The following GRIN2A variants were observed in gnomAD, a reference collection of about 807,000 sequenced individuals.
GRIN2A encodes the protein glutamate ionotropic receptor NMDA type subunit 2A.
GRIN2A carries 22 observed loss-of-function variants against 113.4 expected under a neutral mutation model. That is an observed-to-expected ratio of 0.19 (90% CI 0.14 to 0.28). The LOEUF is 0.28. Ranked by LOEUF, GRIN2A falls within the 10% of genes least tolerant of loss-of-function variation. The pLI, the probability that GRIN2A is intolerant of heterozygous loss-of-function variation, is 1.00. For missense variants in GRIN2A, 1,502 were observed against 1,887.0 expected, an observed-to-expected ratio of 0.80 and a Z score of 3.78; for synonymous variants, 827 against 738.4, an observed-to-expected ratio of 1.12 and a Z score of -1.94.
At chr16:9,865,829 C>T (rs1025020317) in intron 4 of GRIN2A, among the ~76,000 whole-genome samples, 2 of 152,176 alleles carry the variant, frequency 1.3e-5, no homozygotes, top group Non-Finnish European at 2.9e-5. Context: ...ATGGGTTTTC[C>T]TTTTCCATTT....
At chr16:9,850,385 C>G (rs141232274) in intron 4 of GRIN2A, among the ~76,000 whole-genome samples, 1 of 152,298 alleles carries the variant, frequency 6.6e-6, no homozygotes, top group East Asian at 1.9e-4. Context: ...CTTCTGTTTT[C>G]TCATCTGTAT....
intron 9 of GRIN2A, 46 bp from the exon 10 acceptor site, chr16:9,822,470 AGAAG>A (rs1567324150): frequency 7.9e-7 from 1 of 1,272,922 alleles, no homozygotes; most frequent in Admixed American, 1.7e-5. Flanking sequence ...GAAAAGAAAG[AGAAG>A]GGAGGAGGGG....
At chr16:9,926,928 T>TA (rs57664314) in intron 3 of GRIN2A, among the ~76,000 whole-genome samples, 105,034 of 147,714 alleles carry the variant, frequency 0.71, 38,555 homozygotes, top group African/African-American at 0.84. Context: ...ACTCTAAGTT[T>TA]AAAAAAAAAA....
chr16:10,151,381 G>A (rs558754251), intron 2 of GRIN2A, among the ~76,000 whole-genome samples: 1 of 152,186 alleles, frequency 6.6e-6, no homozygotes, highest in African/African-American at 2.4e-5. Flanking sequence ...GTGGGGAGGT[G>A]CATTCTAGAC....
chr16:9,882,052 A>AACAC (rs141535521), intron 4 of GRIN2A, among the ~76,000 whole-genome samples: 22 of 150,032 alleles, frequency 1.5e-4, no homozygotes, highest in African/African-American at 5.1e-4. Flanking sequence ...ACACACACAC[A>AACAC]ACACACACAC....
chr16:9,782,679 G>A (rs1183463631), intron 11 of GRIN2A, among the ~76,000 whole-genome samples: 1 of 152,174 alleles, frequency 6.6e-6, no homozygotes, highest in Non-Finnish European at 1.5e-5. Flanking sequence ...TACTAATCCT[G>A]GTGTTGGATT....
chr16:9,940,674 T>C (rs150862841), intron 2 of GRIN2A, among the ~76,000 whole-genome samples: 5 of 152,326 alleles, frequency 3.3e-5, no homozygotes, highest in African/African-American at 4.8e-5. Context: ...GATTGTATTT[T>C]GTGTGGATTC....
At chr16:9,953,113 A>C (rs1264875193) in intron 2 of GRIN2A, among the ~76,000 whole-genome samples, 1 of 152,216 alleles carries the variant, frequency 6.6e-6, no homozygotes, top group Non-Finnish European at 1.5e-5. Flanking sequence ...ATCTCACTAA[A>C]GCAACTCCAG....
intron 7 of GRIN2A, among the ~76,000 whole-genome samples, chr16:9,839,049 T>C (rs1349630600): frequency 6.6e-6 from 1 of 152,222 alleles, no homozygotes; most frequent in Non-Finnish European, 1.5e-5. Context: ...CCTGAGCTAT[T>C]GAAATTTTTT....
rs765744766 is a variant in GRIN2A at position 9,763,635 on chromosome 16, G to A, written c.3909C>T (p.Asp1303=). 7.4e-6 allele frequency: 12 copies of A among 1,613,108 alleles called. No individual in the cohort carries two copies. The Admixed American group carries it at 1.0e-4, about 13-fold the overall frequency. ...TTATGCTCCGGGAGGGCCTGCTAAG[G>A]TCTAGCTCCCTAGGTTTGTCGACAA... is the stretch of plus-strand genomic sequence containing the variant. The part of the protein sequence containing the change: ...DNIVDKPREL[D]LSRPSRSISL... The change falls in exon 13 of 13, where the codon GAC becomes GAT. Residue 1303 remains aspartate (D), a synonymous_variant. Coordinates refer to ENST00000330684, the MANE Select transcript of GRIN2A (RefSeq NM_001134407.3).
chr16:9,952,669 T>C (rs2045211848), intron 2 of GRIN2A, among the ~76,000 whole-genome samples: 1 of 152,190 alleles, frequency 6.6e-6, no homozygotes, highest in African/African-American at 2.4e-5. Context: ...TCCTATTTGA[T>C]AGAATATAAG....
chr16:9,981,116 G>A lies in GRIN2A; in HGVS notation c.415-42565C>T, dbSNP rs1320028034. ...GAAAAAAAGCAGGCCTGGGCTAAAG[G>A]TGCTAAAGAACTACAAGACAGGAAA... On this transcript the variant is annotated intron_variant, in intron 2 of 12. Transcript: ENST00000330684. 2.0e-5 allele frequency among the ~76,000 whole-genome samples: 3 copies of A among 151,622 alleles called. No homozygotes were observed. The South Asian group carries it at 6.2e-4, about 32-fold the overall frequency.
chr16:10,020,885 C>T (rs916446617), intron 2 of GRIN2A, among the ~76,000 whole-genome samples: 2 of 152,202 alleles, frequency 1.3e-5, no homozygotes, highest in Non-Finnish European at 2.9e-5. Flanking sequence ...AGCCACAGGA[C>T]AGTCTGGACA....
chr16:10,104,410 G>A (rs994512410), intron 2 of GRIN2A, among the ~76,000 whole-genome samples: 24 of 152,100 alleles, frequency 1.6e-4, no homozygotes, highest in Non-Finnish European at 1.8e-4. Flanking sequence ...CCCTGGAGGA[G>A]GACCAGTTTG....
At position 9,757,021 on chromosome 16, in the gene GRIN2A, T is replaced by C. The variant is rs9933624; in HGVS notation, c.*6128A>G. On this transcript the variant is annotated 3_prime_UTR_variant, in exon 13 of 13. Coordinates refer to ENST00000330684, the MANE Select transcript of GRIN2A (RefSeq NM_001134407.3). ...TGGTGTATCAGAAGGGTTCTTCAAA[T>C]GTCAAAAACAAAACCAAACAAAAAA... The C allele has an allele frequency of 0.42, 82,904 of 199,456 alleles. 17,620 individuals are homozygous for C. Among genetic ancestry groups the C allele is most frequent in the South Asian group, 0.55 (2,877 of 5,202 alleles). The allele number at this position is 199,456 out of a possible 1,614,324, so 12.4% of individuals were successfully genotyped here.
chr16:10,181,162 G>A (rs2050262952), intron 1 of GRIN2A, among the ~76,000 whole-genome samples: 1 of 1,058 alleles, frequency 9.5e-4, no homozygotes, highest in Non-Finnish European at 9.3e-3. Context: ...GCCGTGGAGA[G>A]TCCTTCACCC....
At chr16:9,992,756 G>A (rs931898412) in intron 2 of GRIN2A, among the ~76,000 whole-genome samples, 1 of 152,176 alleles carries the variant, frequency 6.6e-6, no homozygotes, top group African/African-American at 2.4e-5. Flanking sequence ...AGTGTGGACA[G>A]TGGACAAATC....
At chr16:9,937,612 A>C in intron 3 of GRIN2A, 1 of 324,848 alleles carries the variant, frequency 3.1e-6, no homozygotes, top group Non-Finnish European at 5.9e-6. Context: ...GAGGGCTATG[A>C]GGTTAGACTT....
At chr16:10,012,729 T>C (rs2046531096) in intron 2 of GRIN2A, among the ~76,000 whole-genome samples, 2 of 152,176 alleles carry the variant, frequency 1.3e-5, no homozygotes, top group Non-Finnish European at 1.5e-5. Context: ...CCTTGGAAGA[T>C]GAGGAAGGGG....
Sources: allele counts gnomAD v4.1 joint callset (sites outside exome capture counted in the v4.1 genomes callset), GRCh38; gene constraint gnomAD v4.1.1; transcripts MANE v1.5; gene names NCBI Gene and HGNC (gene_info 2026-07-23, HGNC 2026-07-21).